Variants in PLXDC2 observed in about 807,000 individuals in gnomAD.
The protein encoded by PLXDC2 is plexin domain containing 2.
In PLXDC2, 40 loss-of-function variants were observed where a neutral mutation model predicts 68.9. The ratio of observed to expected loss-of-function variants is 0.58; its 90% CI spans 0.45 to 0.76. PLXDC2 has a LOEUF of 0.76. Ranked by LOEUF, PLXDC2 falls within the 30% of genes least tolerant of loss-of-function variation. The probability of loss-of-function intolerance (pLI) is 0.00; values close to 1 mark genes in which losing one functional copy is unlikely to be tolerated. For missense variants in PLXDC2, 644 were observed against 661.9 expected (o/e 0.97, Z 0.30); for synonymous variants, 243 against 234.2 (o/e 1.04, Z -0.34).
chr10:19,919,614 T>G (rs564864364), intron 1 of PLXDC2, among the ~76,000 whole-genome samples: 2 of 152,380 alleles, frequency 1.3e-5, no homozygotes, highest in Non-Finnish European at 2.9e-5. Flanking sequence ...CAGTTATTTC[T>G]TATGGACATG....
intron 4 of PLXDC2, among the ~76,000 whole-genome samples, chr10:20,121,094 A>G (rs1312560101): frequency 6.6e-6 from 1 of 152,210 alleles, no homozygotes; most frequent in Admixed American, 6.5e-5. Context: ...GAACTTAACA[A>G]AGAGTGAGTA....
intron 1 of PLXDC2, among the ~76,000 whole-genome samples, chr10:19,962,882 C>T (rs1834183387): frequency 6.9e-6 from 1 of 145,646 alleles, no homozygotes; most frequent in Non-Finnish European, 1.5e-5. Flanking sequence ...CCCAGCTGCT[C>T]GGGAGGCTGA....
chr10:20,175,461 T>C (rs1204600803), intron 7 of PLXDC2, among the ~76,000 whole-genome samples: 2 of 152,102 alleles, frequency 1.3e-5, no homozygotes, highest in East Asian at 3.9e-4. Flanking sequence ...GTAGGAGGAT[T>C]GCTTGAGCCC....
chr10:19,932,374 T>C (rs1833652785), intron 1 of PLXDC2, among the ~76,000 whole-genome samples: 1 of 152,162 alleles, frequency 6.6e-6, no homozygotes, highest in African/African-American at 2.4e-5. Context: ...AGCCTTTCCT[T>C]TCTATATACC....
At chr10:20,102,764 G>A (rs1202637470) in intron 4 of PLXDC2, among the ~76,000 whole-genome samples, 1 of 152,160 alleles carries the variant, frequency 6.6e-6, no homozygotes, top group Non-Finnish European at 1.5e-5. Flanking sequence ...TGTCAGATAA[G>A]CAGTTAAGAT....
intron 1 of PLXDC2, among the ~76,000 whole-genome samples, chr10:19,957,628 C>T (rs923154368): frequency 1.3e-5 from 2 of 152,222 alleles, no homozygotes; most frequent in Non-Finnish European, 2.9e-5. Flanking sequence ...TCATGATGGG[C>T]ATGTCAGTCT....
intron 1 of PLXDC2, among the ~76,000 whole-genome samples, chr10:19,833,171 G>T (rs375855107): frequency 2.1e-4 from 32 of 152,318 alleles, no homozygotes; most frequent in African/African-American, 7.5e-4. Context: ...ATCTCATTAA[G>T]TGTTGGTTAT....
chr10:19,869,392 C>T (rs1307429095), intron 1 of PLXDC2, among the ~76,000 whole-genome samples: 11 of 146,894 alleles, frequency 7.5e-5, no homozygotes, highest in African/African-American at 2.8e-4. Context: ...CCACTGCACT[C>T]CAGCCTGGGC....
chr10:20,039,511 A>G (rs1168553660), intron 2 of PLXDC2, among the ~76,000 whole-genome samples: 2 of 152,218 alleles, frequency 1.3e-5, no homozygotes, highest in African/African-American at 2.4e-5. Context: ...CATATTGAAT[A>G]TCTGATCTAT....
intron 1 of PLXDC2, among the ~76,000 whole-genome samples, chr10:19,986,661 T>G (rs1834647283): frequency 6.6e-6 from 1 of 152,038 alleles, no homozygotes; most frequent in Non-Finnish European, 1.5e-5. Context: ...CAGAGCAGTG[T>G]TTTGGGAGTT....
At chr10:19,875,170 T>A (rs1056784549) in intron 1 of PLXDC2, among the ~76,000 whole-genome samples, 1 of 152,144 alleles carries the variant, frequency 6.6e-6, no homozygotes, top group East Asian at 1.9e-4. Context: ...TAGGATCCGA[T>A]GTAGGAAGTG....
intron 1 of PLXDC2, among the ~76,000 whole-genome samples, chr10:19,824,401 G>A (rs1342058462): frequency 6.6e-6 from 1 of 152,078 alleles, no homozygotes; most frequent in Non-Finnish European, 1.5e-5. Flanking sequence ...ATTTGTTTTG[G>A]AGATGGGAAA....
intron 1 of PLXDC2, among the ~76,000 whole-genome samples, chr10:19,839,892 T>C (rs1309208257): frequency 6.6e-6 from 1 of 152,252 alleles, no homozygotes; most frequent in African/African-American, 2.4e-5. Flanking sequence ...CTTGCTTTCA[T>C]TCTAAATAGC....
At chr10:19,908,351 G>A (rs1239111485) in intron 1 of PLXDC2, among the ~76,000 whole-genome samples, 1 of 152,062 alleles carries the variant, frequency 6.6e-6, no homozygotes, top group African/African-American at 2.4e-5. Context: ...TGAGTGAGTT[G>A]GGATTACAAT....
intron 1 of PLXDC2, among the ~76,000 whole-genome samples, chr10:19,875,975 G>GA (rs1013092580): frequency 1.4e-4 from 21 of 151,756 alleles, no homozygotes; most frequent in East Asian, 9.7e-4. Flanking sequence ...CATTTTTCTT[G>GA]AAAAAAAATA....
intron 1 of PLXDC2, among the ~76,000 whole-genome samples, chr10:19,998,015 C>T (rs1834870469): frequency 6.6e-6 from 1 of 152,100 alleles, no homozygotes; most frequent in Non-Finnish European, 1.5e-5. Context: ...TGACTATAGC[C>T]AAATATGTTG....
chr10:20,178,195 A>G (rs1834554891), intron 9 of PLXDC2, among the ~76,000 whole-genome samples: 1 of 152,162 alleles, frequency 6.6e-6, no homozygotes, highest in Non-Finnish European at 1.5e-5. Flanking sequence ...TGTGGTTTTG[A>G]TGTCATGTTG....
At chr10:19,967,411 G>C (rs1350139620) in intron 1 of PLXDC2, among the ~76,000 whole-genome samples, 2 of 152,074 alleles carry the variant, frequency 1.3e-5, no homozygotes. Context: ...TCAAAAGAAA[G>C]TAACAAAATG....
intron 4 of PLXDC2, among the ~76,000 whole-genome samples, chr10:20,103,899 G>A (rs187008034): frequency 7.2e-5 from 11 of 152,190 alleles, no homozygotes; most frequent in South Asian, 6.2e-4. Flanking sequence ...TGCCTTGGCC[G>A]CCCAAAGTGC....
Sources: gnomAD v4.1 joint callset for allele counts (sites outside exome capture counted in the v4.1 genomes callset) on GRCh38, gnomAD v4.1.1 for gene constraint, MANE v1.5 for transcripts, NCBI Gene and HGNC (gene_info 2026-07-23, HGNC 2026-07-21) for gene names.